Variants in ROCK1 observed in about 807,000 individuals in gnomAD.
ROCK1 encodes the protein Rho associated coiled-coil containing protein kinase 1.
In ROCK1, 36 loss-of-function variants were observed where a neutral mutation model predicts 196.8. The observed-to-expected ratio is 0.18, with a 90% CI of 0.14 to 0.24. The LOEUF is 0.24. Ranked by LOEUF, ROCK1 falls within the 10% of genes least tolerant of loss-of-function variation. The probability of loss-of-function intolerance (pLI) is 1.00; values close to 1 mark genes in which losing one functional copy is unlikely to be tolerated. For synonymous variants in ROCK1, 443 were observed against 515.9 expected, an observed-to-expected ratio of 0.86 and a Z score of 1.91; for missense variants, 920 against 1,562.0, an observed-to-expected ratio of 0.59 and a Z score of 6.93.
chr18:20,983,697 CG>C, intron 20 of ROCK1, among the ~76,000 whole-genome samples: 1 of 152,080 alleles, frequency 6.6e-6, no homozygotes, highest in Non-Finnish European at 1.5e-5. Flanking sequence ...TTTGCGAAAA[CG>C]GTGGCCCTAA....
At chr18:21,106,395 TA>T (rs932008284) in intron 1 of ROCK1, among the ~76,000 whole-genome samples, 1 of 152,188 alleles carries the variant, frequency 6.6e-6, no homozygotes, top group Non-Finnish European at 1.5e-5. Context: ...CTCCCCGTCC[TA>T]GGCTCAAGCA....
Position 21,045,274 on chromosome 18 carries a change from A to G in ROCK1, c.590+18T>C, listed in dbSNP as rs185927725. The G allele has an allele frequency of 5.3e-4, 817 of 1,555,310 alleles. No homozygotes were observed. Among genetic ancestry groups the G allele is most frequent in the Non-Finnish European group, 6.6e-4 (764 of 1,153,572 alleles). On this transcript the variant is annotated intron_variant, in intron 5 of 32. Transcript: ENST00000399799. ...TTCCCTCAACAAATGAGAAAATTTAAAGCACTTTTATCTTTACCTGTGAAT... is the reference window on the plus strand; with the variant it reads ...TTCCCTCAACAAATGAGAAAATTTAGAGCACTTTTATCTTTACCTGTGAAT...
chr18:20,994,472 AC>A (rs1352239748), intron 16 of ROCK1, among the ~76,000 whole-genome samples: 2 of 152,300 alleles, frequency 1.3e-5, no homozygotes, highest in East Asian at 3.9e-4. Flanking sequence ...TGTCTCAAAT[AC>A]AAAAATCAGC....
At chr18:20,988,560 A>C (rs1158233415) in intron 18 of ROCK1, among the ~76,000 whole-genome samples, 3 of 152,170 alleles carry the variant, frequency 2.0e-5, no homozygotes, top group Non-Finnish European at 4.4e-5. Context: ...CAGAAGCTTA[A>C]AATGTGCTAG....
intron 9 of ROCK1, among the ~76,000 whole-genome samples, chr18:21,032,358 A>C (rs2036015814): frequency 6.6e-6 from 1 of 152,202 alleles, no homozygotes; most frequent in South Asian, 2.1e-4. Flanking sequence ...GTTAACTAAT[A>C]AGAAAATGAC....
chr18:21,023,885 T>C (rs1190851323), intron 10 of ROCK1, among the ~76,000 whole-genome samples: 2 of 152,016 alleles, frequency 1.3e-5, no homozygotes, highest in African/African-American at 4.8e-5. Flanking sequence ...GGTCTAAAAA[T>C]AGTAGCAGCC....
rs767267219 is a variant in ROCK1 at position 20,979,952 on chromosome 18, T to C, written c.2612A>G (p.Asn871Ser). The part of the protein sequence containing the change: ...KELKEEIEEK[N>S]RENLKKIQEL... ...CTGTATTTTCTTTAAATTTTCTCTGTTTTTTTCTTCAATTTCTTCTTTAAG... is the reference window on the plus strand; with the variant it reads ...CTGTATTTTCTTTAAATTTTCTCTGCTTTTTTCTTCAATTTCTTCTTTAAG... Residue 871 changes from asparagine (N) to serine (S), a missense_variant, in exon 22 of 33, where the codon AAC becomes AGC. Asn to Ser is a conservative substitution (Grantham distance 46). Transcript: ENST00000399799. 5 of 1,548,550 alleles carry C rather than the reference T, an allele frequency of 3.2e-6. No homozygotes were observed. In the African/African-American group the frequency reaches 5.5e-5, roughly 17 times the overall value.
rs567356117 is a variant in ROCK1 at position 21,015,413 on chromosome 18, T to C, written c.1410+18A>G. ...GAAAAATCTCAAAAAGGAAACTTGA[T>C]TAGAAAACAAAAAGTACCTCTTCAT... On this transcript the variant is annotated intron_variant, in intron 13 of 32. Transcript: ENST00000399799. 22 of 1,505,210 alleles carry C rather than the reference T, an allele frequency of 1.5e-5. No individual in the cohort carries two copies. Among genetic ancestry groups the C allele is most frequent in the Non-Finnish European group, 1.8e-5 (20 of 1,089,744 alleles). The allele number at this position is 1,505,210 out of a possible 1,614,324, so 93.2% of individuals were successfully genotyped here.
At chr18:21,022,033 T>TTA (rs1256565650) in intron 11 of ROCK1, among the ~76,000 whole-genome samples, 1 of 151,416 alleles carries the variant, frequency 6.6e-6, no homozygotes, top group Non-Finnish European at 1.5e-5. Flanking sequence ...GCATGTTCTC[T>TTA]TATATTTAAG....
chr18:21,076,672 TACACACACAC>T lies in ROCK1; in HGVS notation c.94-6069_94-6060del, dbSNP rs112541303. 1.3e-3 allele frequency among the ~76,000 whole-genome samples: 187 copies of T among 146,264 alleles called. 1 individual carries two copies. The highest frequency in any genetic ancestry group is 3.9e-3 in the African/African-American group (155 of 39,510). ...CAAGTGATCCTCCCCTCTTGGTACA[TACACACACAC>T]ACACACACACACACACACACACAGA... On this transcript the variant is annotated intron_variant, in intron 1 of 32. Coordinates refer to ENST00000399799, the MANE Select transcript of ROCK1 (RefSeq NM_005406.3).
intron 1 of ROCK1, among the ~76,000 whole-genome samples, chr18:21,074,059 G>T (rs2143556971): frequency 6.6e-6 from 1 of 152,262 alleles, no homozygotes; most frequent in Non-Finnish European, 1.5e-5. Flanking sequence ...TTGAGAGGCT[G>T]AGGCAGGAAG....
At chr18:20,961,818 CTTTTTTTTTTT>C (rs11334095) in intron 27 of ROCK1, among the ~76,000 whole-genome samples, 3 of 117,204 alleles carry the variant, frequency 2.6e-5, no homozygotes, top group Non-Finnish European at 5.2e-5. Flanking sequence ...TTTCTTTTTC[CTTTTTTTTTTT>C]TTTTTTTTTT....
Position 20,947,146 on chromosome 18 carries a change from AGAAAG to A in ROCK1, c.*4233_*4237del, listed in dbSNP as rs1418158686. On this transcript the variant is annotated 3_prime_UTR_variant, in exon 33 of 33. Coordinates refer to ENST00000399799, the MANE Select transcript of ROCK1 (RefSeq NM_005406.3). ...AGACAATTCATTAACATTTGGCAAA[AGAAAG>A]GAGATATTTAATCTCTTTGTATGTT... is the stretch of plus-strand genomic sequence containing the variant. 1 of 152,240 alleles carries A rather than the reference AGAAAG, an allele frequency of 6.6e-6. No homozygotes were observed. The highest frequency in any genetic ancestry group is 1.5e-5 in the Non-Finnish European group (1 of 68,050). The allele number at this position is 152,240 out of a possible 1,614,324, so 9.4% of individuals were successfully genotyped here. A position where few individuals can be genotyped will look rare whatever the true frequency, so the allele number is the denominator to read the frequency against.
chr18:21,074,659 A>G (rs1273037995), intron 1 of ROCK1, among the ~76,000 whole-genome samples: 1 of 152,222 alleles, frequency 6.6e-6, no homozygotes, highest in East Asian at 1.9e-4. Context: ...CCTTTGTGCT[A>G]TTACAGAAAT....
chr18:21,015,292 G>A (rs1263457115), intron 13 of ROCK1, 139 bp downstream of exon 13: 2 of 677,274 alleles, frequency 3.0e-6, no homozygotes, highest in Non-Finnish European at 5.4e-6. Context: ...GCAGTTCCAA[G>A]GTGAGGCTTT....
chr18:21,061,205 A>C (rs778842926), intron 2 of ROCK1, among the ~76,000 whole-genome samples: 37 of 151,890 alleles, frequency 2.4e-4, no homozygotes, highest in Non-Finnish European at 3.2e-4. Flanking sequence ...CAGCCTCCCA[A>C]GTAGCTGGAA....
chr18:21,047,660 G>A (rs1373541862), intron 4 of ROCK1, among the ~76,000 whole-genome samples: 5 of 152,008 alleles, frequency 3.3e-5, no homozygotes, highest in Non-Finnish European at 5.9e-5. Context: ...CGGGCGTGGT[G>A]GCAGGCACCT....
Position 20,950,242 on chromosome 18 carries a change from A to AT in ROCK1, c.*1141dup, listed in dbSNP as rs1467530358. ...TTTTTATGTTGGTGCAACCTTCTAC[A>AT]TTTTTTGCAGTTTTATAAAGTCATT... On this transcript the variant is annotated 3_prime_UTR_variant, in exon 33 of 33. Transcript: ENST00000399799. 4 of 152,338 alleles carry AT rather than the reference A, an allele frequency of 2.6e-5. No individual in the cohort carries two copies. Among genetic ancestry groups the AT allele is most frequent in the Non-Finnish European group, 4.4e-5 (3 of 68,040 alleles). 9.4% of individuals were successfully genotyped at this position (152,338 alleles called of 1,614,324 possible).
In ROCK1 at chr18:21,042,168, T is replaced by C; in HGVS notation, c.888A>G (p.Ser296=). The C allele has an allele frequency of 6.2e-7, 1 of 1,606,402 alleles. No homozygotes were observed. The highest frequency in any genetic ancestry group is 8.5e-7 in the Non-Finnish European group (1 of 1,177,034). ...TYSKIMNHKN[S]LTFPDDNDIS... ...TGTCATTATCATCAGGAAAGGTAAG[T>C]GAATTTTTATGGTTCATAATTTTAC... Residue 296 remains serine (S), a synonymous_variant, in exon 8 of 33, where the codon TCA becomes TCG. Transcript: ENST00000399799.
Sources: allele counts gnomAD v4.1 joint callset (sites outside exome capture counted in the v4.1 genomes callset), GRCh38; gene constraint gnomAD v4.1.1; transcripts MANE v1.5; gene names NCBI Gene and HGNC (gene_info 2026-07-23, HGNC 2026-07-21).